ZC3HC1: variants seen among roughly 807,000 people sequenced by gnomAD.
The protein encoded by ZC3HC1 is zinc finger C3HC-type containing 1, also known as zinc finger C3HC-type protein 1.
A neutral mutation model predicts 61.9 loss-of-function variants in ZC3HC1; 38 were observed. That is an observed-to-expected ratio of 0.61 (90% CI 0.47 to 0.81). The LOEUF is 0.81. ZC3HC1 is among the 30% of genes least tolerant of loss of function. The probability of loss-of-function intolerance (pLI) is 0.00; values close to 1 mark genes in which losing one functional copy is unlikely to be tolerated. For synonymous variants in ZC3HC1, 213 were observed against 229.9 expected (o/e 0.93, Z 0.67); for missense variants, 554 against 622.7 (o/e 0.89, Z 1.17).
At chr7:130,020,349 T>G (rs1465608622) in intron 9 of ZC3HC1, among the ~76,000 whole-genome samples, 4 of 150,824 alleles carry the variant, frequency 2.7e-5, no homozygotes, top group South Asian at 2.1e-4. Context: ...CTCGGCTCAC[T>G]GCAACCTCCA....
At chr7:130,039,891 T>C (rs1384539435) in intron 3 of ZC3HC1, among the ~76,000 whole-genome samples, 1 of 151,528 alleles carries the variant, frequency 6.6e-6, no homozygotes, top group Non-Finnish European at 1.5e-5. Flanking sequence ...AGTAGTGTTT[T>C]GTATTTTTAG....
intron 2 of ZC3HC1, among the ~76,000 whole-genome samples, chr7:130,047,638 TACACACACACAC>T (rs34052360): frequency 1.3e-4 from 18 of 138,216 alleles, no homozygotes; most frequent in South Asian, 2.4e-4. Flanking sequence ...AGACTTTGTC[TACACACACACAC>T]ACACACACAC....
chr7:130,031,105 G>A lies in ZC3HC1; in HGVS notation c.494-2076C>T, dbSNP rs555769294. 5.9e-5 allele frequency among the ~76,000 whole-genome samples: 9 copies of A among 151,864 alleles called. No individual in the cohort carries two copies. The East Asian group carries it at 1.8e-3, about 30-fold the overall frequency. ...AGCACTTTGGGAGGCCAAGGTGGGT[G>A]GATCACCTGAGGTCGGGAGTTTGAG... On this transcript the variant is annotated intron_variant, in intron 4 of 9. Coordinates refer to ENST00000358303, the MANE Select transcript of ZC3HC1 (RefSeq NM_016478.5).
At position 130,039,499 on chromosome 7, in the gene ZC3HC1, T is replaced by C; in HGVS notation, c.458A>G (p.Glu153Gly). ...ELKKALCTAHEKFCFWPDSPS... is the reference protein window; with the variant it reads ...ELKKALCTAHGKFCFWPDSPS... ...GCTGTCTGGCCAGAAACAGAACTTC[T>C]CATGGGCAGTACACAAGGCTTTCTT... Residue 153 changes from glutamate (E) to glycine (G), a missense_variant, in exon 4 of 10, where the codon GAG becomes GGG. Coordinates refer to ENST00000358303, the MANE Select transcript of ZC3HC1 (RefSeq NM_016478.5). The C allele has an allele frequency of 6.2e-7, 1 of 1,612,944 alleles. No homozygotes were observed. Among genetic ancestry groups the C allele is most frequent in the South Asian group, 1.1e-5 (1 of 90,576 alleles).
At chr7:130,028,307 C>A (rs1360946521) in intron 5 of ZC3HC1, among the ~76,000 whole-genome samples, 1 of 151,174 alleles carries the variant, frequency 6.6e-6, no homozygotes, top group African/African-American at 2.4e-5. Context: ...TTTGGGAGGC[C>A]GAGGCAGGTG....
chr7:130,031,120 G>A (rs1465076980), intron 4 of ZC3HC1, among the ~76,000 whole-genome samples: 7 of 151,332 alleles, frequency 4.6e-5, no homozygotes, highest in Non-Finnish European at 8.9e-5. Flanking sequence ...ACCTGAGGTC[G>A]GGAGTTTGAG....
chr7:130,018,422 CA>C lies in ZC3HC1; in HGVS notation c.*241del, dbSNP rs1299799422. The C allele has an allele frequency of 4.0e-5, 18 of 450,462 alleles. No homozygotes were observed. Among genetic ancestry groups the C allele is most frequent in the Middle Eastern group, 1.1e-3 (2 of 1,862 alleles). The allele number at this position is 450,462 out of a possible 1,614,324, so 27.9% of individuals were successfully genotyped here. A position where few individuals can be genotyped will look rare whatever the true frequency, so the allele number is the denominator to read the frequency against. On this transcript the variant is annotated 3_prime_UTR_variant, in exon 10 of 10. Transcript: ENST00000358303. Reference sequence around the variant, plus strand: ...AGTCTTCCTTCTAGTCTGTTAATCCCACACTCCTTTAACAGAACCATGCTTG... The same window carrying C: ...AGTCTTCCTTCTAGTCTGTTAATCCCCACTCCTTTAACAGAACCATGCTTG...
intron 2 of ZC3HC1, chr7:130,045,538 G>A (rs1042524915): frequency 6.6e-6 from 3 of 457,346 alleles, no homozygotes; most frequent in African/African-American, 4.0e-5. Context: ...ATTTTCAGTG[G>A]AAAACAAGTG....
At position 130,043,140 on chromosome 7, in the gene ZC3HC1, G is replaced by A. The variant is rs117996169; in HGVS notation, c.259-2039C>T. Among the ~76,000 whole-genome samples, 852 of 152,182 alleles carry A rather than the reference G, an allele frequency of 5.6e-3. 4 individuals are homozygous for A. Among genetic ancestry groups the A allele is most frequent in the Non-Finnish European group, 9.3e-3 (635 of 68,014 alleles). On this transcript the variant is annotated intron_variant, in intron 2 of 9. Transcript: ENST00000358303. ...AAAAATACAAAAATCAGCTGGGTGTGGTAGTATGTACCTGTAATCCCAGCT... is the reference window on the plus strand; with the variant it reads ...AAAAATACAAAAATCAGCTGGGTGTAGTAGTATGTACCTGTAATCCCAGCT...
chr7:130,032,058 T>C (rs1287901582), intron 4 of ZC3HC1, among the ~76,000 whole-genome samples: 1 of 152,032 alleles, frequency 6.6e-6, no homozygotes, highest in Non-Finnish European at 1.5e-5. Flanking sequence ...ACACTGTCTC[T>C]ACTAAAAATA....
Position 130,018,546 on chromosome 7 carries a change from C to T in ZC3HC1, c.*118G>A. On this transcript the variant is annotated 3_prime_UTR_variant, in exon 10 of 10. Coordinates refer to ENST00000358303, the MANE Select transcript of ZC3HC1 (RefSeq NM_016478.5). ...CTGCCTTTGCTATGGCAGGGGGCTC[C>T]TTATGATTAACCCAGAACAGGAAAA... The T allele has an allele frequency of 1.2e-6, 1 of 831,454 alleles. No homozygotes were observed. The highest frequency in any genetic ancestry group is 1.9e-6 in the Non-Finnish European group (1 of 513,992). 51.5% of individuals were successfully genotyped at this position (831,454 alleles called of 1,614,324 possible).
At chr7:130,019,593 T>C (rs2116637036) in intron 9 of ZC3HC1, among the ~76,000 whole-genome samples, 1 of 152,274 alleles carries the variant, frequency 6.6e-6, no homozygotes, top group Non-Finnish European at 1.5e-5. Context: ...GCCAATGAAG[T>C]ACTCTGAGAT....
intron 1 of ZC3HC1, chr7:130,050,356 G>A (rs1429636119): frequency 1.8e-5 from 26 of 1,442,152 alleles, no homozygotes; most frequent in Middle Eastern, 2.4e-4. Flanking sequence ...GGGATTATAG[G>A]CGTGAGCCAC....
Position 130,024,287 on chromosome 7 carries a change from G to C in ZC3HC1, c.996C>G (p.Ala332=), listed in dbSNP as rs1189980060. The change falls in exon 7 of 10, where the codon GCC becomes GCG. Residue 332 remains alanine (A), a synonymous_variant. Coordinates refer to ENST00000358303, the MANE Select transcript of ZC3HC1 (RefSeq NM_016478.5). ...PRRMMTRSQD[A]TFSPGSEQAE... is the part of the protein sequence containing the mutation. ...CCTGCTCTGAGCCTGGGGAGAAAGTGGCATCCTGGCTCCGGGTCATCATCC... is the reference window on the plus strand; with the variant it reads ...CCTGCTCTGAGCCTGGGGAGAAAGTCGCATCCTGGCTCCGGGTCATCATCC... The C allele has an allele frequency of 6.2e-7, 1 of 1,611,458 alleles. No individual in the cohort carries two copies.
intron 2 of ZC3HC1, among the ~76,000 whole-genome samples, chr7:130,047,678 C>CACAT (rs10700573): frequency 6.7e-6 from 1 of 148,540 alleles, no homozygotes; most frequent in Non-Finnish European, 1.5e-5. Flanking sequence ...CACACACACA[C>CACAT]GGGTAGGGGT....
At chr7:130,047,319 C>T (rs933970433) in intron 2 of ZC3HC1, among the ~76,000 whole-genome samples, 1 of 152,122 alleles carries the variant, frequency 6.6e-6, no homozygotes, top group Admixed American at 6.6e-5. Context: ...TGCTCTCAAA[C>T]TCCTGACCTC....
chr7:130,051,181 A>T (rs200072750), intron 1 of ZC3HC1, 40 bp downstream of exon 1: 29 of 1,565,334 alleles, frequency 1.9e-5, no homozygotes, highest in Non-Finnish European at 2.5e-5. Flanking sequence ...GCCTTCTTCA[A>T]TCTTCCAACG....
At chr7:130,030,268 C>T (rs1001548440) in intron 4 of ZC3HC1, among the ~76,000 whole-genome samples, 7 of 149,992 alleles carry the variant, frequency 4.7e-5, no homozygotes, top group African/African-American at 1.2e-4. Flanking sequence ...GGTGCGATCA[C>T]GGCTCACTGC....
chr7:130,024,950 G>T (rs1316459052), intron 6 of ZC3HC1, among the ~76,000 whole-genome samples: 2 of 138,702 alleles, frequency 1.4e-5, no homozygotes, highest in Non-Finnish European at 3.0e-5. Context: ...TTGTTGCCCG[G>T]GCTGGAGTGC....
Sources: gnomAD v4.1 joint callset for allele counts (sites outside exome capture counted in the v4.1 genomes callset) on GRCh38, gnomAD v4.1.1 for gene constraint, MANE v1.5 for transcripts, NCBI Gene and HGNC (gene_info 2026-07-23, HGNC 2026-07-21) for gene names.